AP4M1: variants seen among roughly 807,000 people sequenced by gnomAD.
AP4M1 encodes adaptor related protein complex 4 subunit mu 1, also known as AP-4 complex subunit mu-1.
A neutral mutation model predicts 62.4 loss-of-function variants in AP4M1; 58 were observed. The observed-to-expected ratio is 0.93, with a 90% confidence interval of 0.75 to 1.16. The LOEUF (loss-of-function observed/expected upper bound fraction) is 1.16, where lower values mean the gene tolerates loss of function less well. Among genes scored for constraint, AP4M1 ranks in the 50% most tolerant of loss-of-function variants. The probability of loss-of-function intolerance (pLI) is 0.00; values close to 1 mark genes in which losing one functional copy is unlikely to be tolerated. For missense variants in AP4M1, 626 were observed against 585.4 expected (o/e 1.07, Z -0.72); for synonymous variants, 290 against 239.7 (o/e 1.21, Z -1.94).
chr7:100,107,086 A>C lies in AP4M1; in HGVS notation c.*204A>C. The stretch of plus-strand genomic sequence containing the variant: ...TGCAGTGGATCAGAACTTACAAACC[A>C]AACTTTTATTCTGAGAAACTGGCTG... On this transcript the variant is annotated 3_prime_UTR_variant, in exon 15 of 15. Coordinates refer to ENST00000359593, the MANE Select transcript of AP4M1 (RefSeq NM_004722.4). 6 of 1,301,698 alleles carry C rather than the reference A, an allele frequency of 4.6e-6. No homozygotes were observed. Among genetic ancestry groups the C allele is most frequent in the Non-Finnish European group, 4.2e-6 (4 of 960,104 alleles). The allele number at this position is 1,301,698 out of a possible 1,614,324, so 80.6% of individuals were successfully genotyped here. A position where few individuals can be genotyped will look rare whatever the true frequency, so the allele number is the denominator to read the frequency against.
intron 11 of AP4M1, 41 bp downstream of exon 11, chr7:100,105,580 A>C (rs1385875096): frequency 6.4e-7 from 1 of 1,562,342 alleles, no homozygotes; most frequent in South Asian, 1.1e-5. Flanking sequence ...CTTGGAACCC[A>C]AGCCAAGACC....
chr7:100,105,178 C>T (rs765352573), intron 9 of AP4M1, 62 bp from the exon 10 acceptor site: 92 of 1,611,712 alleles, frequency 5.7e-5, no homozygotes, highest in Middle Eastern at 1.6e-4. Flanking sequence ...AGAGCCTCCC[C>T]TCTCCTTGCT....
Position 100,107,501 on chromosome 7 carries a change from G to A in AP4M1, c.*619G>A, listed in dbSNP as rs1225106801. The A allele has an allele frequency of 1.9e-6, 3 of 1,613,918 alleles. No homozygotes were observed. The highest frequency in any genetic ancestry group is 1.3e-5 in the African/African-American group (1 of 74,934). On this transcript the variant is annotated 3_prime_UTR_variant, in exon 15 of 15. Transcript: ENST00000359593. ...TCCCAGGACCAGAGGGAGCAGTGCT[G>A]GGGGGTGCGGTGGTGGCGGTGGAGA...
chr7:100,105,685 A>G (rs901970779), intron 11 of AP4M1, 146 bp downstream of exon 11: 17 of 911,446 alleles, frequency 1.9e-5, no homozygotes, highest in Admixed American at 1.4e-4. Flanking sequence ...GGTGGCTCAC[A>G]CCTGTAATCC....
At chr7:100,106,562 G>GCGGCCC in intron 14 of AP4M1, 48 bp downstream of exon 14, 2 of 1,514,864 alleles carry the variant, frequency 1.3e-6, no homozygotes, top group Non-Finnish European at 9.1e-7. Flanking sequence ...TTCACTTGCA[G>GCGGCCC]CCCCCACCCC....
chr7:100,107,440 T>C lies in AP4M1; in HGVS notation c.*558T>C, dbSNP rs1796645242. 4 of 1,611,792 alleles carry C rather than the reference T, an allele frequency of 2.5e-6. No individual in the cohort carries two copies. The East Asian group carries it at 8.9e-5, about 36-fold the overall frequency. On this transcript the variant is annotated 3_prime_UTR_variant, in exon 15 of 15. Coordinates refer to ENST00000359593, the MANE Select transcript of AP4M1 (RefSeq NM_004722.4). ...GTGGGGCCTCCTTTGCCCTCCCCTG[T>C]TGGGGGAAGTGAGACCACGATGTAC... is the stretch of plus-strand genomic sequence containing the variant.
At chr7:100,101,122 A>C, upstream of AP4M1, 1 of 1,048,932 alleles carries the variant, frequency 9.5e-7, no homozygotes, top group Non-Finnish European at 1.4e-6. Context: ...GGCCTTAGCC[A>C]GGCCGCAGCT....
Position 100,105,283 on chromosome 7 carries a change from C to T in AP4M1, c.771C>T (p.Ser257=), listed in dbSNP as rs545459309. Reference sequence around the variant, plus strand: ...GGGTCGATGAAGTCTCGTTTCACAGCTCTGTGAATCTGGACGAATTTGAGT... The same window carrying T: ...GGGTCGATGAAGTCTCGTTTCACAGTTCTGTGAATCTGGACGAATTTGAGT... ...GIRVDEVSFH[S]SVNLDEFESH... The change falls in exon 10 of 15, where the codon AGC becomes AGT. Residue 257 remains serine (S), a synonymous_variant. Transcript: ENST00000359593. 107 of 1,614,032 alleles carry T rather than the reference C, an allele frequency of 6.6e-5. No individual in the cohort carries two copies. The highest frequency in any genetic ancestry group is 8.6e-5 in the Non-Finnish European group (102 of 1,180,044).
In AP4M1 at chr7:100,105,243, A is replaced by G; in HGVS notation, c.731A>G (p.Tyr244Cys). ...GTCTCTCTCTCTCTCTTTCCAGGTT[A>G]TGGGCCAGGAATCCGGGTCGATGAA... ...FCVGKSELRG[Y>C]GPGIRVDEVS... Residue 244 changes from tyrosine to cysteine, a missense_variant, in exon 10 of 15, where the codon TAT (tyrosine) becomes TGT (cysteine). Coordinates refer to ENST00000359593, the MANE Select transcript of AP4M1 (RefSeq NM_004722.4). 1 of 1,613,980 alleles carries G rather than the reference A, an allele frequency of 6.2e-7. No individual in the cohort carries two copies. The highest frequency in any genetic ancestry group is 8.5e-7 in the Non-Finnish European group (1 of 1,179,942).
upstream of AP4M1, chr7:100,100,987 G>T: frequency 1.1e-6 from 1 of 891,296 alleles, no homozygotes; most frequent in Non-Finnish European, 1.6e-6. Flanking sequence ...TTTTCCCTGT[G>T]CAGCCCCCAG....
Position 100,107,189 on chromosome 7 carries a change from C to G in AP4M1, c.*307C>G. 6.6e-7 allele frequency: 1 copy of G among 1,519,056 alleles called. No individual in the cohort carries two copies. Among genetic ancestry groups the G allele is most frequent in the Non-Finnish European group, 8.8e-7 (1 of 1,136,584 alleles). The allele number at this position is 1,519,056 out of a possible 1,614,324, so 94.1% of individuals were successfully genotyped here. A position where few individuals can be genotyped will look rare whatever the true frequency, so the allele number is the denominator to read the frequency against. ...CGCTTAGCGAGCATGCATGTGTGTA[C>G]GTGCACGTGTGTACATGTCTGCATG... On this transcript the variant is annotated 3_prime_UTR_variant, in exon 15 of 15. Coordinates refer to ENST00000359593, the MANE Select transcript of AP4M1 (RefSeq NM_004722.4).
At position 100,105,237 on chromosome 7, in the gene AP4M1, C is replaced by A; in HGVS notation, c.728-3C>A. On this transcript the variant is annotated splice_polypyrimidine_tract_variant and splice_region_variant and intron_variant, in intron 9 of 14. Transcript: ENST00000359593. ...AGAGAAGTCTCTCTCTCTCTCTTTC[C>A]AGGTTATGGGCCAGGAATCCGGGTC... 6.2e-7 allele frequency: 1 copy of A among 1,614,018 alleles called. No individual in the cohort carries two copies. The highest frequency in any genetic ancestry group is 8.5e-7 in the Non-Finnish European group (1 of 1,179,950).
chr7:100,108,577 TG>T lies in AP4M1; in HGVS notation c.*1699del. ...AAAAAAAGCCAGGTAGAGGGAGGGC[TG>T]GGGAAAAAAGCCAGGTAGAGGGAGG... is the stretch of plus-strand genomic sequence containing the variant. On this transcript the variant is annotated 3_prime_UTR_variant, in exon 15 of 15. Coordinates refer to ENST00000359593, the MANE Select transcript of AP4M1 (RefSeq NM_004722.4). 6.4e-6 allele frequency: 10 copies of T among 1,562,266 alleles called. No homozygotes were observed. The highest frequency in any genetic ancestry group is 2.7e-5 in the African/African-American group (2 of 72,896).
chr7:100,102,719 C>G lies in AP4M1; in HGVS notation c.192C>G (p.Leu64=), dbSNP rs748348279. The G allele has an allele frequency of 1.2e-6, 2 of 1,614,186 alleles. No individual in the cohort carries two copies. The highest frequency in any genetic ancestry group is 1.7e-6 in the Non-Finnish European group (2 of 1,180,018). The change falls in exon 3 of 15, where the codon CTC becomes CTG. Residue 64 remains leucine (L), a synonymous_variant. Coordinates refer to ENST00000359593, the MANE Select transcript of AP4M1 (RefSeq NM_004722.4). ...TCATTCACATCAGACACAGCGGCCT[C>G]TATTTGGTGGTCACAACTTCAGAAA... The part of the protein sequence containing the change: ...RHFIHIRHSG[L]YLVVTTSENV...
At position 100,108,464 on chromosome 7, in the gene AP4M1, G is replaced by A; in HGVS notation, c.*1582G>A. 2 of 1,614,046 alleles carry A rather than the reference G, an allele frequency of 1.2e-6. No homozygotes were observed. Among genetic ancestry groups the A allele is most frequent in the Non-Finnish European group, 1.7e-6 (2 of 1,179,956 alleles). On this transcript the variant is annotated 3_prime_UTR_variant, in exon 15 of 15. Transcript: ENST00000359593. ...CTGGGAGCAGAGGAGGGGCCCAAGG[G>A]ACCCGAATTCTGCCCGATAGGCGTC...
At chr7:100,100,861 CGGGGCCTACGCGCGCCT>C, upstream of AP4M1, 1 of 1,032,966 alleles carries the variant, frequency 9.7e-7, no homozygotes, top group Admixed American at 5.7e-5. Context: ...TGCCCGCCCC[CGGGGCCTACGCGCGCCT>C]GGGGAGGGCG....
At chr7:100,106,138 A>AG in intron 12 of AP4M1, 103 bp from the exon 13 acceptor site, 1 of 1,549,080 alleles carries the variant, frequency 6.5e-7, no homozygotes, top group Non-Finnish European at 8.9e-7. Flanking sequence ...GAATTTGGGA[A>AG]GGTGGGGGGC....
chr7:100,105,946 C>G lies in AP4M1; in HGVS notation c.930-13C>G. 2.5e-6 allele frequency: 4 copies of G among 1,614,094 alleles called. No individual in the cohort carries two copies. The highest frequency in any genetic ancestry group is 3.4e-6 in the Non-Finnish European group (4 of 1,179,980). On this transcript the variant is annotated splice_polypyrimidine_tract_variant and intron_variant, in intron 11 of 14. Coordinates refer to ENST00000359593, the MANE Select transcript of AP4M1 (RefSeq NM_004722.4). ...AGATGGCCTGAGTCGTGGTGTTTTACCCTCTCATCCAGGCTCCAGGTTTAT... is the reference window on the plus strand; with the variant it reads ...AGATGGCCTGAGTCGTGGTGTTTTAGCCTCTCATCCAGGCTCCAGGTTTAT...
At chr7:100,103,996 C>T in intron 6 of AP4M1, 96 bp from the exon 7 acceptor site, 1 of 1,100,624 alleles carries the variant, frequency 9.1e-7, no homozygotes, top group Non-Finnish European at 1.4e-6. Flanking sequence ...CACCCTAGAG[C>T]TGTAGCTTTG....
Sources: allele counts gnomAD v4.1 joint callset, GRCh38; gene constraint gnomAD v4.1.1; transcripts MANE v1.5; gene names NCBI Gene and HGNC (gene_info 2026-07-23, HGNC 2026-07-21).